Variants in USB1 observed in about 807,000 individuals in gnomAD.
USB1 encodes U6 snRNA biogenesis phosphodiesterase 1, also known as U6 snRNA phosphodiesterase 1.
USB1 carries 21 observed loss-of-function variants against 29.9 expected under a neutral mutation model. That is an observed-to-expected ratio of 0.70 (90% CI 0.50 to 1.01). The LOEUF is 1.01. USB1 is among the 50% of genes least tolerant of loss of function. USB1 has a pLI of 0.00. For synonymous variants in USB1, 143 were observed against 134.9 expected (o/e 1.06, Z -0.42); for missense variants, 330 against 347.1 (o/e 0.95, Z 0.39).
Position 58,002,443 on chromosome 16 carries a change from G to A in USB1, c.99-36G>A, listed in dbSNP as rs3743560. The stretch of plus-strand genomic sequence containing the variant: ...ATACAAAGGTAGAGAATGCTAACAG[G>A]ATAAATGTACTCATTTTTCTTTTTT... On this transcript the variant is annotated intron_variant, in intron 1 of 6. Transcript: ENST00000219281. 0.67 allele frequency: 1,073,088 copies of A among 1,611,640 alleles called. 361,999 individuals carry two copies. Among genetic ancestry groups the A allele is most frequent in the Middle Eastern group, 0.74 (4,511 of 6,062 alleles).
At position 58,002,533 on chromosome 16, in the gene USB1, C is replaced by T; in HGVS notation, c.153C>T (p.Asn51=). 1.2e-6 allele frequency: 2 copies of T among 1,614,104 alleles called. No individual in the cohort carries two copies. The highest frequency in any genetic ancestry group is 4.5e-5 in the East Asian group (2 of 44,880). Residue 51 remains asparagine, a synonymous_variant, in exon 2 of 7, where the codon AAC becomes AAT. Transcript: ENST00000219281. ...TTCCAGTACCTGACAGTGTGCTGAA[C>T]ATGTTCCCGGGCACCGAGGAGGGGC... ...QRFPVPDSVL[N]MFPGTEEGPE...
At chr16:58,006,368 CAAA>C (rs74564449) in intron 2 of USB1, among the ~76,000 whole-genome samples, 2 of 86,706 alleles carry the variant, frequency 2.3e-5, no homozygotes, top group East Asian at 6.5e-4. Flanking sequence ...AAAAAAAAAA[CAAA>C]AAAAAAAAAC....
At chr16:58,017,473 C>T in intron 5 of USB1, 34 bp downstream of exon 5, 1 of 1,571,648 alleles carries the variant, frequency 6.4e-7, no homozygotes, top group East Asian at 2.2e-5. Flanking sequence ...TCCATTGACC[C>T]ATTTCTAATG....
At chr16:58,016,907 T>G in intron 4 of USB1, 1 of 260,364 alleles carries the variant, frequency 3.8e-6, no homozygotes, top group South Asian at 4.6e-5. Flanking sequence ...GGAGAGTTTT[T>G]AAAGATGAGA....
rs572999788 is a variant in USB1, at chr16:58,013,660, G to A, written c.450-613G>A. 64 of 983,892 alleles carry A rather than the reference G, an allele frequency of 6.5e-5. No homozygotes were observed. The highest frequency in any genetic ancestry group is 5.3e-4 in the Middle Eastern group (1 of 1,900). 60.9% of individuals were successfully genotyped at this position (983,892 alleles called of 1,614,324 possible). On this transcript the variant is annotated intron_variant, in intron 3 of 6. Coordinates refer to ENST00000219281, the MANE Select transcript of USB1 (RefSeq NM_024598.4). This position sits in a 1 kb window ranked among gnomAD's most constrained non-coding sequence, Gnocchi z 4.3. ...ACACCAACAGACCTATTCCCCTCAC[G>A]AAAGCGTCATAGGTGACAACAAGGA...
In USB1 at chr16:58,013,215, T is replaced by A; in HGVS notation, c.450-1058T>A. ...GGAGAGCCATCCTGCAACACGAGGT[T>A]ACCAGGAGAAGGAGTTTTGGTTGGG... is the stretch of plus-strand genomic sequence containing the variant. On this transcript the variant is annotated intron_variant, in intron 3 of 6. Transcript: ENST00000219281. The surrounding 1 kb of genome is among the most constrained non-coding windows in gnomAD (Gnocchi z 4.3). The A allele has an allele frequency of 1.0e-6, 1 of 985,472 alleles. No individual in the cohort carries two copies. The highest frequency in any genetic ancestry group is 5.2e-4 in the Middle Eastern group (1 of 1,916). 61.0% of individuals were successfully genotyped at this position (985,472 alleles called of 1,614,324 possible).
chr16:58,002,499 G>A lies in USB1; in HGVS notation c.119G>A (p.Arg40Lys). The A allele has an allele frequency of 5.0e-6, 8 of 1,614,060 alleles. No homozygotes were observed. The highest frequency in any genetic ancestry group is 3.3e-5 in the Admixed American group (2 of 60,022). The change falls in exon 2 of 7, where the codon AGG (arginine) becomes AAG (lysine). Residue 40 changes from arginine (R) to lysine (K), a missense_variant. Physicochemically the swap from Arg to Lys is conservative, Grantham distance 26. Coordinates refer to ENST00000219281, the MANE Select transcript of USB1 (RefSeq NM_024598.4). ...TGCAGTGGCCAGAGCCCCCTTCCCA[G>A]GCAGAGATTTCCAGTACCTGACAGT... ...SHRRGQSPLP[R>K]QRFPVPDSVL...
chr16:58,014,839 G>C (rs931494811), intron 4 of USB1, among the ~76,000 whole-genome samples: 3 of 152,034 alleles, frequency 2.0e-5, no homozygotes, highest in East Asian at 3.9e-4. Flanking sequence ...CACTTTGAGA[G>C]GCCAAGGTGG....
chr16:58,002,552 G>A lies in USB1; in HGVS notation c.172G>A (p.Glu58Lys). The change falls in exon 2 of 7, where the codon GAG (glutamate) becomes AAG (lysine). Residue 58 changes from glutamate (E) to lysine (K), a missense_variant. Glu to Lys is a moderately conservative substitution (Grantham distance 56, BLOSUM62 1). Coordinates refer to ENST00000219281, the MANE Select transcript of USB1 (RefSeq NM_024598.4). ...GCTGAACATGTTCCCGGGCACCGAG[G>A]AGGGGCCTGAAGATGACAGCACAAA... ...SVLNMFPGTE[E>K]GPEDDSTKHG... The A allele has an allele frequency of 6.2e-7, 1 of 1,614,150 alleles. No homozygotes were observed. The highest frequency in any genetic ancestry group is 8.5e-7 in the Non-Finnish European group (1 of 1,180,040).
intron 2 of USB1, among the ~76,000 whole-genome samples, chr16:58,005,039 C>CAGAG (rs369214104): frequency 6.6e-6 from 1 of 151,180 alleles, no homozygotes; most frequent in African/African-American, 2.4e-5. Flanking sequence ...GCAGCTGAGG[C>CAGAG]AGAGAGAGAG....
chr16:58,018,137 G>C (rs113523536), intron 5 of USB1, among the ~76,000 whole-genome samples: 102 of 152,100 alleles, frequency 6.7e-4, no homozygotes, highest in African/African-American at 2.4e-3. Context: ...AAATACCATA[G>C]ACTGGGTGGC....
At chr16:58,012,825 G>T in intron 3 of USB1, 1 of 994,082 alleles carries the variant, frequency 1.0e-6, no homozygotes, top group South Asian at 4.6e-5. Context: ...GGGAAGCCAC[G>T]GCCTGGGCTC....
In USB1 at chr16:58,010,125, T is replaced by TCCCTCTGCCTCTCCACTCCCTC. The variant is rs750081918; in HGVS notation, c.449+19_449+40dup. ...CCTCCTTCCACAGGTGAGTGCTTCTTCCCTCTGCCTCTCCACTCCCTCCCC... is the reference window on the plus strand; with the variant it reads ...CCTCCTTCCACAGGTGAGTGCTTCTTCCCTCTGCCTCTCCACTCCCTCCCCTCTGCCTCTCCACTCCCTCCCC... On this transcript the variant is annotated intron_variant, in intron 3 of 6. Transcript: ENST00000219281. The TCCCTCTGCCTCTCCACTCCCTC allele has an allele frequency of 6.2e-7, 1 of 1,613,714 alleles. No homozygotes were observed. Among genetic ancestry groups the TCCCTCTGCCTCTCCACTCCCTC allele is most frequent in the Non-Finnish European group, 8.5e-7 (1 of 1,179,892 alleles).
upstream of USB1, chr16:58,001,295 G>A (rs1180321315): frequency 1.3e-5 from 9 of 694,184 alleles, no homozygotes; most frequent in East Asian, 2.7e-5. Flanking sequence ...GTGCGCAGCC[G>A]GCAGACAGCT....
At chr16:58,011,139 A>C in intron 3 of USB1, 1 of 1,343,208 alleles carries the variant, frequency 7.4e-7, no homozygotes, top group Non-Finnish European at 1.0e-6. Context: ...ATAGAACAAA[A>C]GATGCTCCTA....
chr16:58,000,988 C>G (rs912611238), upstream of USB1, among the ~76,000 whole-genome samples: 2 of 152,142 alleles, frequency 1.3e-5, no homozygotes, highest in Non-Finnish European at 2.9e-5. This position sits in a 1 kb window ranked among gnomAD's most constrained non-coding sequence, Gnocchi z 4.5. Context: ...AGGCTCTGGT[C>G]TGCCACAATT....
rs531886363 is a variant in USB1, at chr16:58,002,588, C to T, written c.208C>T (p.Arg70Trp). ...PEDDSTKHGG[R>W]VRTFPHERGN... ...AGATGACAGCACAAAACACGGGGGA[C>T]GGGTGCGCACCTTCCCCCACGAGCG... Residue 70 changes from arginine to tryptophan, a missense_variant, in exon 2 of 7, where the codon CGG (arginine) becomes TGG (tryptophan). Coordinates refer to ENST00000219281, the MANE Select transcript of USB1 (RefSeq NM_024598.4). 5.1e-5 allele frequency: 82 copies of T among 1,613,878 alleles called. No homozygotes were observed. Among genetic ancestry groups the T allele is most frequent in the African/African-American group, 6.7e-5 (5 of 74,900 alleles).
intron 2 of USB1, among the ~76,000 whole-genome samples, chr16:58,005,393 G>A (rs1201882064): frequency 2.0e-5 from 3 of 152,116 alleles, no homozygotes; most frequent in South Asian, 2.1e-4. Context: ...ACTTGGCAAT[G>A]GGCATCTTCC....
In USB1 at chr16:58,009,939, G is replaced by A. The variant is rs776583555; in HGVS notation, c.276G>A (p.Lys92=). 1.2e-6 allele frequency: 2 copies of A among 1,613,832 alleles called. No individual in the cohort carries two copies. Among genetic ancestry groups the A allele is most frequent in the Non-Finnish European group, 1.7e-6 (2 of 1,179,944 alleles). Reference sequence around the variant, plus strand: ...ACTCCTCCCCTCCAGATGAAGCCAAGGAGGAGTTCCTGGATCTGCTTGATG... The same window carrying A: ...ACTCCTCCCCTCCAGATGAAGCCAAAGAGGAGTTCCTGGATCTGCTTGATG... The part of the protein sequence containing the change: ...ATHVYVPYEA[K]EEFLDLLDVL... The change falls in exon 3 of 7, where the codon AAG becomes AAA. Residue 92 remains lysine (K), a synonymous_variant. Coordinates refer to ENST00000219281, the MANE Select transcript of USB1 (RefSeq NM_024598.4).
Sources: gnomAD v4.1 joint callset for allele counts (sites outside exome capture counted in the v4.1 genomes callset) on GRCh38, gnomAD v4.1.1 for gene constraint, Gnocchi (gnomAD v3.1) non-coding constraint, MANE v1.5 for transcripts, NCBI Gene and HGNC (gene_info 2026-07-23, HGNC 2026-07-21) for gene names.